LAMA3: variants seen among roughly 807,000 people sequenced by gnomAD.
LAMA3 encodes laminin subunit alpha-3.
Under a neutral mutation model 402.0 loss-of-function variants are expected in LAMA3, and 281 were observed. That is an observed-to-expected ratio of 0.70 (90% CI 0.63 to 0.77). The LOEUF is 0.77. Ranked by LOEUF, LAMA3 falls within the 30% of genes least tolerant of loss-of-function variation. LAMA3 has a pLI of 0.00. For missense variants in LAMA3, 3,840 were observed against 4,215.5 expected (o/e 0.91, Z 2.47); for synonymous variants, 1,431 against 1,558.4 (o/e 0.92, Z 1.93).
chr18:23,921,883 G>T (rs548418345), intron 62 of LAMA3, among the ~76,000 whole-genome samples: 3 of 152,244 alleles, frequency 2.0e-5, no homozygotes, highest in Non-Finnish European at 2.9e-5. Flanking sequence ...TAGAACAGAG[G>T]CTGTGGCCCT....
intron 68 of LAMA3, among the ~76,000 whole-genome samples, chr18:23,940,397 C>T (rs2082458925): frequency 6.6e-6 from 1 of 152,196 alleles, no homozygotes; most frequent in South Asian, 2.1e-4. Flanking sequence ...CACTGAAGAC[C>T]TAGGGCATGG....
rs532581908 is a variant in LAMA3, at chr18:23,818,690, C to A, written c.2148-1151C>A. 9.2e-5 allele frequency among the ~76,000 whole-genome samples: 14 copies of A among 152,302 alleles called. No individual in the cohort carries two copies. In the East Asian group the frequency reaches 2.3e-3, roughly 25 times the overall value. On this transcript the variant is annotated intron_variant, in intron 18 of 74. Transcript: ENST00000313654. ...AAAAGGCAAAGAAAAATCTTCATTT[C>A]TCTACCCAGAGATAACCCCTTTTTA...
In LAMA3 at chr18:23,921,512, A is replaced by G. The variant is rs9952370; in HGVS notation, c.8104A>G (p.Thr2702Ala). The change falls in exon 62 of 75, where the codon ACT becomes GCT. Residue 2702 changes from threonine to alanine, a missense_variant. This residue lies in a region of LAMA3 where 840 missense variants were observed against 981.9 expected (regional missense o/e 0.86). Coordinates refer to ENST00000313654, the MANE Select transcript of LAMA3 (RefSeq NM_198129.4). ...RMWINVDVQN[T>A]IIDGEVFDFS... ...GTGGATAAATGTGGACGTTCAAAAC[A>G]CTATAATTGATGGTGAAGTATTTGA... 3,326 of 1,613,698 alleles carry G rather than the reference A, an allele frequency of 2.1e-3. 61 individuals are homozygous for G. In the African/African-American group the frequency reaches 0.04, roughly 19 times the overall value.
chr18:23,914,295 T>A, intron 56 of LAMA3, 115 bp from the exon 57 acceptor site: 1 of 1,045,324 alleles, frequency 9.6e-7, no homozygotes, highest in South Asian at 1.3e-5. Context: ...ATTCTGTCTC[T>A]CCAAGGCTTA....
chr18:23,805,174 T>C (rs1197816792), intron 12 of LAMA3, among the ~76,000 whole-genome samples: 1 of 152,018 alleles, frequency 6.6e-6, no homozygotes. Context: ...AGGTGTCAGG[T>C]GATATGTTAA....
chr18:23,935,543 A>T (rs2082288264), intron 67 of LAMA3, among the ~76,000 whole-genome samples: 2 of 152,178 alleles, frequency 1.3e-5, no homozygotes, highest in Admixed American at 6.5e-5. Flanking sequence ...GTGGTTAAGT[A>T]CTGGACTCTG....
rs376633949 is a variant in LAMA3, at chr18:23,833,923, T to C, written c.2919T>C (p.Asp973=). The C allele has an allele frequency of 9.2e-5, 149 of 1,614,200 alleles. No homozygotes were observed. The African/African-American group carries it at 1.2e-3, about 13-fold the overall frequency. The part of the protein sequence containing the change: ...STEAAQLFVV[D]VNVKSSGSVL... ...AGGCAGCTCAGCTGTTTGTGGTTGATGTGAATGTGAAGAGCTCCGGGTCTG... is the reference window on the plus strand; with the variant it reads ...AGGCAGCTCAGCTGTTTGTGGTTGACGTGAATGTGAAGAGCTCCGGGTCTG... Residue 973 remains aspartate (D), a synonymous_variant, in exon 24 of 75, where the codon GAT becomes GAC. Coordinates refer to ENST00000313654, the MANE Select transcript of LAMA3 (RefSeq NM_198129.4).
intron 12 of LAMA3, among the ~76,000 whole-genome samples, chr18:23,804,826 A>C (rs1435323051): frequency 1.3e-5 from 2 of 151,992 alleles, no homozygotes; most frequent in African/African-American, 4.8e-5. Context: ...TGGTTGTTTA[A>C]AAGTGTGTGA....
chr18:23,697,256 GC>G (rs1425211816), intron 1 of LAMA3, among the ~76,000 whole-genome samples: 1 of 152,038 alleles, frequency 6.6e-6, no homozygotes, highest in Non-Finnish European at 1.5e-5. Flanking sequence ...TGATCTTTTA[GC>G]CCCCAACATT....
chr18:23,884,048 GT>G (rs1337665346), intron 40 of LAMA3, among the ~76,000 whole-genome samples: 272 of 1,310 alleles, frequency 0.21, 1 homozygote, highest in African/African-American at 0.41. Context: ...GGTCTCTTTG[GT>G]GTGTGTGTGT....
Position 23,847,484 on chromosome 18 carries a change from C to T in LAMA3, c.3952C>T (p.Leu1318Phe). Residue 1318 changes from leucine to phenylalanine, a missense_variant, in exon 32 of 75, where the codon CTT becomes TTT. Around this residue, in one of 3 missense-constraint regions of LAMA3, gnomAD observed 2,109 missense variants for 2,376.0 expected, o/e 0.89. Coordinates refer to ENST00000313654, the MANE Select transcript of LAMA3 (RefSeq NM_198129.4). ...RCKPCSCGRR[L>F]CEEMTGQCRC... ...GCCAGCGTGCAGCTGTGGTCGGCGCCTTTGTGAAGAGATGACGGGGCAGTG... is the reference window on the plus strand; with the variant it reads ...GCCAGCGTGCAGCTGTGGTCGGCGCTTTTGTGAAGAGATGACGGGGCAGTG... 1.2e-6 allele frequency: 2 copies of T among 1,613,296 alleles called. No homozygotes were observed. Among genetic ancestry groups the T allele is most frequent in the Non-Finnish European group, 1.7e-6 (2 of 1,180,042 alleles).
At position 23,762,543 on chromosome 18, in the gene LAMA3, C is replaced by T. The variant is rs574064953; in HGVS notation, c.1064-862C>T. Among the ~76,000 whole-genome samples the T allele has an allele frequency of 1.5e-4, 23 of 151,180 alleles. No individual in the cohort carries two copies. The South Asian group carries it at 2.9e-3, about 19-fold the overall frequency. ...GGCAGAGGTCGCAGTGAGTCGAGAT[C>T]GTGCCACTGCACTCCAGCCTGGGTG... On this transcript the variant is annotated intron_variant, in intron 7 of 74. Coordinates refer to ENST00000313654, the MANE Select transcript of LAMA3 (RefSeq NM_198129.4).
chr18:23,909,354 T>C (rs1247041978), intron 55 of LAMA3, 59 bp downstream of exon 55: 1 of 1,503,016 alleles, frequency 6.7e-7, no homozygotes, highest in African/African-American at 1.4e-5. Context: ...GTTATCACAT[T>C]TATCAAGAAA....
Position 23,836,985 on chromosome 18 carries a change from C to T in LAMA3, c.2989C>T (p.Leu997Phe), listed in dbSNP as rs1440244473. 1 of 1,612,784 alleles carries T rather than the reference C, an allele frequency of 6.2e-7. No homozygotes were observed. The highest frequency in any genetic ancestry group is 1.7e-5 in the Admixed American group (1 of 60,032). Residue 997 changes from leucine (L) to phenylalanine (F), a missense_variant, in exon 25 of 75, where the codon CTC (leucine) becomes TTC (phenylalanine). Transcript: ENST00000313654. ...VNIYSCNYSVLCRSAVIDHMS... is the reference protein window; with the variant it reads ...VNIYSCNYSVFCRSAVIDHMS... ...AAACTCTGTTTTCTCTTGCAGTGTTCTCTGCCGGAGTGCTGTGATTGATCA... is the reference window on the plus strand; with the variant it reads ...AAACTCTGTTTTCTCTTGCAGTGTTTTCTGCCGGAGTGCTGTGATTGATCA...
chr18:23,876,303 C>T lies in LAMA3; in HGVS notation c.5008C>T (p.Pro1670Ser). Residue 1670 changes from proline to serine, a missense_variant, in exon 39 of 75, where the codon CCT becomes TCT. This residue lies in a region of LAMA3 where 2,109 missense variants were observed against 2,376.0 expected (regional missense o/e 0.89). Transcript: ENST00000313654. ...TTTGTTTGAAAAATAGGGTTGTAGC[C>T]CTGGATACTATCGGGATCATAAAGG... Reference protein sequence around the residue: ...YAGDSCQGCSPGYYRDHKGLY... With the variant: ...YAGDSCQGCSSGYYRDHKGLY... The T allele has an allele frequency of 6.2e-7, 1 of 1,611,392 alleles. No individual in the cohort carries two copies. The highest frequency in any genetic ancestry group is 8.5e-7 in the Non-Finnish European group (1 of 1,177,504).
chr18:23,889,870 A>G (rs2080592340), intron 41 of LAMA3, 141 bp from the exon 42 acceptor site: 2 of 761,802 alleles, frequency 2.6e-6, no homozygotes, highest in Non-Finnish European at 4.8e-6. Context: ...GTATTGAGAA[A>G]TATTCATTCT....
At chr18:23,935,825 A>G (rs527646059) in intron 67 of LAMA3, among the ~76,000 whole-genome samples, 1 of 152,280 alleles carries the variant, frequency 6.6e-6, no homozygotes, top group African/African-American at 2.4e-5. Context: ...AAGATGCTAC[A>G]GGAGTGGTGT....
At chr18:23,698,127 A>G (rs931527368) in intron 1 of LAMA3, among the ~76,000 whole-genome samples, 2 of 92,930 alleles carry the variant, frequency 2.2e-5, no homozygotes, top group African/African-American at 8.6e-5. Flanking sequence ...TCAAACTATG[A>G]ATTTGTGGGA....
rs574536845 is a variant in LAMA3 at position 23,890,008 on chromosome 18, T to C, written c.5304-3T>C. The C allele has an allele frequency of 1.2e-6, 2 of 1,609,512 alleles. No homozygotes were observed. The highest frequency in any genetic ancestry group is 2.2e-5 in the South Asian group (2 of 90,952). Reference sequence around the variant, plus strand: ...TTTCTCCTCCTCTCTATATTTTGTGTAGGTGTGCACCGGGATATTTCGGGA... The same window carrying C: ...TTTCTCCTCCTCTCTATATTTTGTGCAGGTGTGCACCGGGATATTTCGGGA... On this transcript the variant is annotated splice_region_variant and splice_polypyrimidine_tract_variant and intron_variant, in intron 41 of 74. Transcript: ENST00000313654.
Sources: allele counts gnomAD v4.1 joint callset (sites outside exome capture counted in the v4.1 genomes callset), GRCh38; gene constraint gnomAD v4.1.1; regional missense constraint gnomAD v4.1.1; transcripts MANE v1.5; gene names NCBI Gene and HGNC (gene_info 2026-07-23, HGNC 2026-07-21).